The following FAM185A variants were observed in gnomAD, a reference collection of about 807,000 sequenced individuals.
FAM185A encodes the protein protein FAM185A.
In FAM185A, 21 loss-of-function variants were observed where a neutral mutation model predicts 45.7. That is an observed-to-expected ratio of 0.46 (90% CI 0.33 to 0.66). FAM185A has a LOEUF of 0.66. Among genes scored for constraint, FAM185A ranks in the 30% least tolerant of loss-of-function variants. The pLI, the probability that FAM185A is intolerant of heterozygous loss-of-function variation, is 0.03. For missense variants in FAM185A, 305 were observed against 485.4 expected, an observed-to-expected ratio of 0.63 and a Z score of 3.49; for synonymous variants, 117 against 194.0, an observed-to-expected ratio of 0.60 and a Z score of 3.30.
At chr7:102,766,350 C>G (rs1794396586) in intron 4 of FAM185A, among the ~76,000 whole-genome samples, 1 of 152,226 alleles carries the variant, frequency 6.6e-6, no homozygotes, top group Non-Finnish European at 1.5e-5. Context: ...TATTAGTTCT[C>G]TCATTTTCTC....
At chr7:102,781,770 C>T (rs553882458) in intron 6 of FAM185A, among the ~76,000 whole-genome samples, 6 of 152,274 alleles carry the variant, frequency 3.9e-5, no homozygotes, top group African/African-American at 9.6e-5. Flanking sequence ...TCTAGAGGAA[C>T]GCGGCTCCTC....
intron 4 of FAM185A, among the ~76,000 whole-genome samples, chr7:102,770,047 G>A (rs1051937266): frequency 2.0e-5 from 3 of 152,180 alleles, no homozygotes; most frequent in African/African-American, 7.2e-5. Flanking sequence ...AAGCAGTAAA[G>A]AGAATGCTGA....
intron 7 of FAM185A, among the ~76,000 whole-genome samples, chr7:102,799,873 T>C (rs1370163601): frequency 6.6e-6 from 1 of 152,140 alleles, no homozygotes; most frequent in African/African-American, 2.4e-5. Context: ...AGATTGCGGC[T>C]CTGACTCTGA....
chr7:102,827,269 C>T, the FAM185A span: 4 of 383,452 alleles, frequency 1.0e-5, no homozygotes, highest in Non-Finnish European at 2.3e-5. Context: ...CCTAGGCCAA[C>T]CAGCTCTAAG....
At chr7:102,850,702 T>A in the FAM185A span, among the ~76,000 whole-genome samples, 2 of 152,204 alleles carry the variant, frequency 1.3e-5, no homozygotes, top group African/African-American at 4.8e-5. Context: ...TTTTTGTTAT[T>A]AAAGAGTTAC....
chr7:102,808,024 G>A (rs565514145), intron 7 of FAM185A, among the ~76,000 whole-genome samples: 3 of 151,978 alleles, frequency 2.0e-5, no homozygotes, highest in African/African-American at 4.9e-5. Context: ...TCGTGCCACT[G>A]TACTCCAGCC....
the FAM185A span, among the ~76,000 whole-genome samples, chr7:102,834,086 AAAAG>A: frequency 0.069 from 6,422 of 92,838 alleles, 379 homozygotes; most frequent in Non-Finnish European, 0.082. Context: ...GGAAGGAAAG[AAAAG>A]AAAGAAAGAA....
intron 7 of FAM185A, among the ~76,000 whole-genome samples, chr7:102,807,183 G>T (rs1477698133): frequency 1.3e-5 from 2 of 152,002 alleles, no homozygotes; most frequent in African/African-American, 2.4e-5. Flanking sequence ...GATTGAAGGG[G>T]GTGGGGGTCG....
At chr7:102,755,320 C>T (rs1449041650) in intron 2 of FAM185A, 16 of 564,038 alleles carry the variant, frequency 2.8e-5, no homozygotes, top group African/African-American at 9.6e-5. Context: ...GAAATGGCCC[C>T]GCTATATCAG....
At chr7:102,787,912 T>TTATA (rs1795912460) in intron 7 of FAM185A, among the ~76,000 whole-genome samples, 1 of 152,236 alleles carries the variant, frequency 6.6e-6, no homozygotes, top group Admixed American at 6.5e-5. Context: ...ACATTTTTCA[T>TTATA]TATATCTGGC....
intron 7 of FAM185A, among the ~76,000 whole-genome samples, chr7:102,801,555 G>A (rs186726682): frequency 6.6e-6 from 1 of 152,316 alleles, no homozygotes; most frequent in Admixed American, 6.5e-5. Flanking sequence ...GGCATTTCAT[G>A]CAAGTGGACA....
intron 2 of FAM185A, among the ~76,000 whole-genome samples, chr7:102,753,576 C>T: frequency 6.6e-6 from 1 of 151,860 alleles, no homozygotes; most frequent in East Asian, 1.9e-4. Context: ...GAAAATGTCT[C>T]CAGACATTGC....
chr7:102,838,836 G>A, the FAM185A span, among the ~76,000 whole-genome samples: 1 of 152,190 alleles, frequency 6.6e-6, no homozygotes, highest in Non-Finnish European at 1.5e-5. Context: ...GGAAAGCTGG[G>A]TATTGTCCAA....
At chr7:102,762,587 T>A (rs937774547) in intron 4 of FAM185A, among the ~76,000 whole-genome samples, 2 of 152,196 alleles carry the variant, frequency 1.3e-5, no homozygotes, top group Non-Finnish European at 2.9e-5. Flanking sequence ...TCTCAGATTT[T>A]AGTTGTGAGC....
At chr7:102,827,263 G>C in the FAM185A span, 1 of 390,944 alleles carries the variant, frequency 2.6e-6, no homozygotes. Context: ...GGGTCCCCTA[G>C]GCCAACCAGC....
At chr7:102,838,772 C>T in the FAM185A span, among the ~76,000 whole-genome samples, 40 of 152,266 alleles carry the variant, frequency 2.6e-4, no homozygotes, top group South Asian at 7.9e-3. Context: ...ATTCTGCAGT[C>T]TCGATAAACC....
intron 7 of FAM185A, among the ~76,000 whole-genome samples, chr7:102,792,319 T>C (rs1307414638): frequency 6.9e-6 from 1 of 144,866 alleles, no homozygotes; most frequent in Non-Finnish European, 1.5e-5. Flanking sequence ...ACTCTCAGGC[T>C]GAAACATTTA....
chr7:102,791,483 C>T (rs1189643432), intron 7 of FAM185A, among the ~76,000 whole-genome samples: 3 of 152,198 alleles, frequency 2.0e-5, no homozygotes, highest in Non-Finnish European at 4.4e-5. Flanking sequence ...TTATGAAGCG[C>T]CTTAGCCTAT....
the FAM185A span, among the ~76,000 whole-genome samples, chr7:102,830,924 C>G: frequency 1.3e-5 from 2 of 152,214 alleles, no homozygotes; most frequent in Non-Finnish European, 2.9e-5. Context: ...AGACTTTCCT[C>G]TTATGTCTGG....
Sources: allele counts gnomAD v4.1 joint callset (sites outside exome capture counted in the v4.1 genomes callset), GRCh38; gene constraint gnomAD v4.1.1; transcripts MANE v1.5; gene names NCBI Gene and HGNC (gene_info 2026-07-23, HGNC 2026-07-21).